The following KCNQ5 variants were observed in gnomAD, a reference collection of about 807,000 sequenced individuals.
KCNQ5 encodes the protein potassium voltage-gated channel subfamily KQT member 5.
Under a neutral mutation model 98.2 loss-of-function variants are expected in KCNQ5, and 30 were observed. The ratio of observed to expected loss-of-function variants is 0.31; its 90% CI spans 0.23 to 0.41. The LOEUF (loss-of-function observed/expected upper bound fraction) is 0.41. Ranked by LOEUF, KCNQ5 falls within the 10% of genes least tolerant of loss-of-function variation. The pLI, the probability that KCNQ5 is intolerant of heterozygous loss-of-function variation, is 1.00. For synonymous variants in KCNQ5, 458 were observed against 449.4 expected (o/e 1.02, Z -0.24); for missense variants, 835 against 1,182.5 (o/e 0.71, Z 4.31).
chr6:73,137,249 A>G (rs1776511166), intron 10 of KCNQ5, among the ~76,000 whole-genome samples: 1 of 152,164 alleles, frequency 6.6e-6, no homozygotes, highest in Non-Finnish European at 1.5e-5. Flanking sequence ...TCTTGCTATA[A>G]TTTTTAATAA....
intron 1 of KCNQ5, among the ~76,000 whole-genome samples, chr6:72,705,375 AC>A: frequency 6.6e-6 from 1 of 152,282 alleles, no homozygotes; most frequent in Middle Eastern, 3.4e-3. Context: ...TATGAATAAT[AC>A]AGATATACTT....
chr6:73,056,270 CATCCCAGTGGAAGATGA>C (rs1279218152), intron 3 of KCNQ5, among the ~76,000 whole-genome samples: 1 of 152,196 alleles, frequency 6.6e-6, no homozygotes, highest in Middle Eastern at 3.2e-3. Flanking sequence ...GGGCTCTAGT[CATCCCAGTGGAAGATGA>C]ATGTAACCTG....
intron 1 of KCNQ5, among the ~76,000 whole-genome samples, chr6:72,764,039 T>C (rs765368248): frequency 2.0e-5 from 3 of 151,950 alleles, no homozygotes; most frequent in Non-Finnish European, 4.4e-5. Flanking sequence ...TAAGGTCTTA[T>C]AATCATTATT....
At chr6:72,799,898 A>G (rs1774544560) in intron 1 of KCNQ5, among the ~76,000 whole-genome samples, 1 of 152,198 alleles carries the variant, frequency 6.6e-6, no homozygotes, top group Non-Finnish European at 1.5e-5. Context: ...AGCCCTCCAG[A>G]TGATACTGAA....
At chr6:72,900,747 G>A (rs1424781086) in intron 1 of KCNQ5, among the ~76,000 whole-genome samples, 2 of 151,838 alleles carry the variant, frequency 1.3e-5, no homozygotes, top group African/African-American at 4.8e-5. Flanking sequence ...CCATAGTGTT[G>A]TACTAGTTTA....
chr6:73,110,549 G>A (rs1277932478), intron 6 of KCNQ5, among the ~76,000 whole-genome samples: 6 of 152,224 alleles, frequency 3.9e-5, no homozygotes, highest in Middle Eastern at 3.4e-3. Flanking sequence ...GAATAGGTGA[G>A]CCAAAATAAA....
At chr6:72,747,396 C>T (rs988362554) in intron 1 of KCNQ5, among the ~76,000 whole-genome samples, 1 of 152,028 alleles carries the variant, frequency 6.6e-6, no homozygotes, top group Non-Finnish European at 1.5e-5. Context: ...CATTTTAAAA[C>T]AATTCTGTTG....
intron 2 of KCNQ5, among the ~76,000 whole-genome samples, chr6:73,015,461 G>A (rs572108153): frequency 1.9e-4 from 29 of 152,208 alleles, no homozygotes; most frequent in African/African-American, 6.5e-4. Context: ...TGAAGCTAAA[G>A]ATAATGATTG....
At chr6:72,779,668 G>A (rs188857318) in intron 1 of KCNQ5, among the ~76,000 whole-genome samples, 2 of 152,078 alleles carry the variant, frequency 1.3e-5, no homozygotes, top group East Asian at 1.9e-4. Context: ...GTTTTCAGAC[G>A]AGGTGTGATT....
chr6:72,819,277 C>T (rs1415789674), intron 1 of KCNQ5, among the ~76,000 whole-genome samples: 1 of 152,030 alleles, frequency 6.6e-6, no homozygotes, highest in Admixed American at 6.6e-5. Context: ...TCCATCCCCT[C>T]AAGCATTTAT....
chr6:72,800,188 A>G (rs1450459638), intron 1 of KCNQ5, among the ~76,000 whole-genome samples: 1 of 152,168 alleles, frequency 6.6e-6, no homozygotes, highest in Non-Finnish European at 1.5e-5. Flanking sequence ...TGATAGGAAT[A>G]GTTTCAGAAG....
Position 72,659,875 on chromosome 6 carries a change from G to A in KCNQ5, c.398+37288G>A, listed in dbSNP as rs75935511. ...TTATCTTGTCCATTTTTTTCTTTTCGAAAATGCCATGTCCAATTGATAAAA... is the reference window on the plus strand; with the variant it reads ...TTATCTTGTCCATTTTTTTCTTTTCAAAAATGCCATGTCCAATTGATAAAA... On this transcript the variant is annotated intron_variant, in intron 1 of 13. Coordinates refer to ENST00000370398, the MANE Select transcript of KCNQ5 (RefSeq NM_019842.4). 2.0e-4 allele frequency among the ~76,000 whole-genome samples: 31 copies of A among 151,966 alleles called. No individual in the cohort carries two copies. In the East Asian group the frequency reaches 3.3e-3, roughly 16 times the overall value.
chr6:72,960,525 G>A (rs1268855427), intron 1 of KCNQ5, among the ~76,000 whole-genome samples: 1 of 152,130 alleles, frequency 6.6e-6, no homozygotes, highest in Non-Finnish European at 1.5e-5. Context: ...CGCCTCCTGA[G>A]TTCAAGTGAT....
intron 3 of KCNQ5, among the ~76,000 whole-genome samples, chr6:73,056,055 C>T (rs1450549964): frequency 2.0e-5 from 3 of 152,218 alleles, no homozygotes; most frequent in Non-Finnish European, 1.5e-5. Context: ...ACTTCTAGGG[C>T]ACAGGTTCTC....
chr6:72,910,595 TGTGTGTGTGTGG>T (rs1163570114), intron 1 of KCNQ5, among the ~76,000 whole-genome samples: 3 of 151,458 alleles, frequency 2.0e-5, no homozygotes, highest in Admixed American at 6.6e-5. Flanking sequence ...TGTGTGTGTG[TGTGTGTGTGTGG>T]CTGATAAATT....
chr6:72,913,414 A>G lies in KCNQ5; in HGVS notation c.399-90494A>G, dbSNP rs546599764. Among the ~76,000 whole-genome samples, 9 of 152,136 alleles carry G rather than the reference A, an allele frequency of 5.9e-5. No individual in the cohort carries two copies. In the South Asian group the frequency reaches 1.7e-3, roughly 28 times the overall value. ...CCCTAGAGCAGTGGTTCCCATTTGT[A>G]TTCTGAGGACCAATGGGAGACTTTG... On this transcript the variant is annotated intron_variant, in intron 1 of 13. Transcript: ENST00000370398.
At chr6:72,824,824 A>T (rs1248852301) in intron 1 of KCNQ5, among the ~76,000 whole-genome samples, 1 of 151,610 alleles carries the variant, frequency 6.6e-6, no homozygotes, top group Non-Finnish European at 1.5e-5. Flanking sequence ...TCTCATCTTT[A>T]TACTATAGAT....
chr6:73,080,268 G>A (rs374295667), intron 5 of KCNQ5, among the ~76,000 whole-genome samples: 17 of 151,864 alleles, frequency 1.1e-4, no homozygotes, highest in African/African-American at 2.7e-4. Context: ...CATTTAACCC[G>A]TACTTAACAG....
chr6:73,094,115 G>A lies in KCNQ5; in HGVS notation c.919-11142G>A, dbSNP rs552569247. The stretch of plus-strand genomic sequence containing the variant: ...GTTCAGTGCATATACGTTTAGGATT[G>A]TGATGTTTTCCTGTTGGACTAGGCC... On this transcript the variant is annotated intron_variant, in intron 5 of 13. Coordinates refer to ENST00000370398, the MANE Select transcript of KCNQ5 (RefSeq NM_019842.4). Among the ~76,000 whole-genome samples the A allele has an allele frequency of 2.6e-5, 4 of 152,238 alleles. No homozygotes were observed. The East Asian group carries it at 7.7e-4, about 29-fold the overall frequency.
Sources: gnomAD v4.1 joint callset for allele counts (sites outside exome capture counted in the v4.1 genomes callset) on GRCh38, gnomAD v4.1.1 for gene constraint, MANE v1.5 for transcripts, NCBI Gene and HGNC (gene_info 2026-07-23, HGNC 2026-07-21) for gene names.